Variants in RGS7BP observed in about 807,000 individuals in gnomAD.
The protein encoded by RGS7BP is regulator of G protein signaling 7-binding protein.
RGS7BP carries 9 observed loss-of-function variants against 31.3 expected under a neutral mutation model. The observed-to-expected ratio is 0.29, with a 90% CI of 0.17 to 0.50. RGS7BP has a LOEUF of 0.50. Among genes scored for constraint, RGS7BP ranks in the 20% least tolerant of loss-of-function variants. RGS7BP has a pLI of 0.98. For missense variants in RGS7BP, 274 were observed against 322.0 expected, an observed-to-expected ratio of 0.85 and a Z score of 1.14; for synonymous variants, 115 against 120.1, an observed-to-expected ratio of 0.96 and a Z score of 0.28.
chr5:64,611,722 T>C lies in RGS7BP; in HGVS notation c.*2470T>C, dbSNP rs971467201. ...CTAAAGATCCTCTTTCAGTAGCATA[T>C]ACTAAAATTAAGTTTAGTGCTCAAA... On this transcript the variant is annotated 3_prime_UTR_variant, in exon 6 of 6. Coordinates refer to ENST00000334025, the MANE Select transcript of RGS7BP (RefSeq NM_001029875.3). 1 of 152,274 alleles carries C rather than the reference T, an allele frequency of 6.6e-6. No individual in the cohort carries two copies. Among genetic ancestry groups the C allele is most frequent in the African/African-American group, 2.4e-5 (1 of 41,386 alleles). 9.4% of individuals were successfully genotyped at this position (152,274 alleles called of 1,614,324 possible).
chr5:64,566,523 G>A (rs1284815543), intron 2 of RGS7BP, among the ~76,000 whole-genome samples: 1 of 151,964 alleles, frequency 6.6e-6, no homozygotes, highest in Non-Finnish European at 1.5e-5. Flanking sequence ...GCATGTTCTG[G>A]GTGGTCCTCT....
chr5:64,514,784 C>G (rs1332196560), intron 2 of RGS7BP, among the ~76,000 whole-genome samples: 1 of 152,132 alleles, frequency 6.6e-6, no homozygotes, highest in East Asian at 1.9e-4. Flanking sequence ...GGTGCTAATA[C>G]TGTTGCTTAA....
Position 64,611,942 on chromosome 5 carries a change from A to T in RGS7BP, c.*2690A>T, listed in dbSNP as rs1163201318. 1 of 152,034 alleles carries T rather than the reference A, an allele frequency of 6.6e-6. No individual in the cohort carries two copies. The highest frequency in any genetic ancestry group is 1.5e-5 in the Non-Finnish European group (1 of 67,908). 9.4% of individuals were successfully genotyped at this position (152,034 alleles called of 1,614,324 possible). ...AATTCGCTTTCAGATTAGCAATAACACTGAGCTGATCTCTAGGGTTAAGAA... is the reference window on the plus strand; with the variant it reads ...AATTCGCTTTCAGATTAGCAATAACTCTGAGCTGATCTCTAGGGTTAAGAA... On this transcript the variant is annotated 3_prime_UTR_variant, in exon 6 of 6. Transcript: ENST00000334025.
intron 3 of RGS7BP, among the ~76,000 whole-genome samples, chr5:64,578,236 A>T (rs1742487703): frequency 6.6e-6 from 1 of 152,138 alleles, no homozygotes; most frequent in African/African-American, 2.4e-5. Context: ...GCCTATTTTT[A>T]AAAAATAATC....
intron 2 of RGS7BP, among the ~76,000 whole-genome samples, chr5:64,511,135 C>T (rs914436544): frequency 1.3e-5 from 2 of 152,166 alleles, no homozygotes; most frequent in Admixed American, 1.3e-4. Flanking sequence ...ACCTTTCATC[C>T]CTGACCAACT....
intron 3 of RGS7BP, among the ~76,000 whole-genome samples, chr5:64,590,853 A>T (rs1358007982): frequency 6.6e-6 from 1 of 152,136 alleles, no homozygotes; most frequent in Non-Finnish European, 1.5e-5. Flanking sequence ...AATATATTAG[A>T]AAGAGCAAAG....
chr5:64,516,550 T>C (rs1748980839), intron 2 of RGS7BP, among the ~76,000 whole-genome samples: 1 of 152,230 alleles, frequency 6.6e-6, no homozygotes, highest in Admixed American at 6.5e-5. Context: ...ATCTTGTCAC[T>C]TCTTTGCTTT....
intron 2 of RGS7BP, among the ~76,000 whole-genome samples, chr5:64,532,295 A>G (rs562910023): frequency 2.2e-5 from 3 of 139,050 alleles, no homozygotes; most frequent in African/African-American, 8.4e-5. Context: ...TTGTTGTAAT[A>G]TCCTTTTTTT....
chr5:64,593,605 T>C (rs953968053), intron 3 of RGS7BP, among the ~76,000 whole-genome samples: 16 of 152,210 alleles, frequency 1.1e-4, no homozygotes, highest in African/African-American at 3.9e-4. Context: ...TACCCTTTTT[T>C]CCAGACTACA....
At chr5:64,558,471 T>G (rs529757184) in intron 2 of RGS7BP, among the ~76,000 whole-genome samples, 2 of 152,328 alleles carry the variant, frequency 1.3e-5, no homozygotes, top group African/African-American at 4.8e-5. Context: ...CCTATGCCTG[T>G]CTTTACTTTA....
intron 3 of RGS7BP, among the ~76,000 whole-genome samples, chr5:64,586,943 G>T (rs1336114156): frequency 6.6e-6 from 1 of 152,150 alleles, no homozygotes; most frequent in African/African-American, 2.4e-5. Context: ...TCAGGGTAGG[G>T]TAACTACTGT....
At chr5:64,602,031 G>C (rs1409844375) in intron 5 of RGS7BP, among the ~76,000 whole-genome samples, 1 of 152,114 alleles carries the variant, frequency 6.6e-6, no homozygotes, top group Non-Finnish European at 1.5e-5. Flanking sequence ...GAATTGACCT[G>C]GGCTAGAATG....
At chr5:64,559,332 C>T (rs991106802) in intron 2 of RGS7BP, among the ~76,000 whole-genome samples, 1 of 152,050 alleles carries the variant, frequency 6.6e-6, no homozygotes, top group Non-Finnish European at 1.5e-5. Context: ...GGACTGGTTC[C>T]CCCGATAGTG....
chr5:64,587,322 G>A (rs1451801525), intron 3 of RGS7BP, among the ~76,000 whole-genome samples: 1 of 152,134 alleles, frequency 6.6e-6, no homozygotes, highest in African/African-American at 2.4e-5. Context: ...ATCTGTCAAA[G>A]CTAAAAAGCA....
chr5:64,606,266 C>T (rs1176275989), intron 5 of RGS7BP, among the ~76,000 whole-genome samples: 3 of 151,818 alleles, frequency 2.0e-5, no homozygotes, highest in African/African-American at 7.2e-5. Context: ...ACAACATACA[C>T]GTACACATTT....
At chr5:64,577,890 G>A (rs1742479834) in intron 3 of RGS7BP, among the ~76,000 whole-genome samples, 1 of 148,924 alleles carries the variant, frequency 6.7e-6, no homozygotes, top group Non-Finnish European at 1.5e-5. Context: ...TTCATGCCTT[G>A]TTGCCACTGG....
chr5:64,542,693 G>A (rs1741556452), intron 2 of RGS7BP, among the ~76,000 whole-genome samples: 1 of 152,130 alleles, frequency 6.6e-6, no homozygotes. Context: ...ATGTGGACAT[G>A]GCTTGATTTA....
At chr5:64,568,667 G>A (rs1023701467) in intron 2 of RGS7BP, among the ~76,000 whole-genome samples, 2 of 151,620 alleles carry the variant, frequency 1.3e-5, no homozygotes, top group Non-Finnish European at 2.9e-5. Flanking sequence ...ACTTTCCCCA[G>A]TATTGCATTA....
chr5:64,588,980 C>T (rs1459717115), intron 3 of RGS7BP, among the ~76,000 whole-genome samples: 2 of 151,972 alleles, frequency 1.3e-5, no homozygotes, highest in African/African-American at 2.4e-5. Flanking sequence ...CTCAATGAAT[C>T]GCTTTGTAGA....
Sources: gnomAD v4.1 joint callset for allele counts (sites outside exome capture counted in the v4.1 genomes callset) on GRCh38, gnomAD v4.1.1 for gene constraint, MANE v1.5 for transcripts, NCBI Gene and HGNC (gene_info 2026-07-23, HGNC 2026-07-21) for gene names.